SORCS2: variants seen among roughly 807,000 people sequenced by gnomAD.
SORCS2 encodes sortilin related VPS10 domain containing receptor 2, also known as VPS10 domain-containing receptor SorCS2.
SORCS2 carries 100 observed loss-of-function variants against 141.6 expected under a neutral mutation model. The observed-to-expected ratio is 0.71, with a 90% confidence interval of 0.60 to 0.83. The LOEUF (loss-of-function observed/expected upper bound fraction) is 0.83, where lower values mean the gene tolerates loss of function less well. Ranked by LOEUF, SORCS2 falls within the 40% of genes least tolerant of loss-of-function variation. The pLI is 0.00. For missense variants in SORCS2, 1,646 were observed against 1,560.2 expected, an observed-to-expected ratio of 1.05 and a Z score of -0.93; for synonymous variants, 789 against 676.9, an observed-to-expected ratio of 1.17 and a Z score of -2.57.
intron 15 of SORCS2, among the ~76,000 whole-genome samples, chr4:7,713,660 G>A (rs1336415155): frequency 1.3e-5 from 2 of 152,164 alleles, no homozygotes; most frequent in Admixed American, 6.5e-5. Flanking sequence ...ATCGGATAGG[G>A]AGGGCGATCG....
At chr4:7,560,208 G>A (rs1714436603) in intron 3 of SORCS2, among the ~76,000 whole-genome samples, 2 of 152,312 alleles carry the variant, frequency 1.3e-5, no homozygotes, top group Admixed American at 6.5e-5. Context: ...ATCCGAGGTG[G>A]CTGGGGCCAG....
At chr4:7,660,196 C>G (rs947058125) in intron 5 of SORCS2, among the ~76,000 whole-genome samples, 5 of 152,214 alleles carry the variant, frequency 3.3e-5, no homozygotes, top group Admixed American at 2.0e-4. Context: ...GAAGCTTCCT[C>G]CCTCTCCTCC....
At chr4:7,546,887 T>C (rs1376633364) in intron 3 of SORCS2, among the ~76,000 whole-genome samples, 1 of 152,218 alleles carries the variant, frequency 6.6e-6, no homozygotes, top group Non-Finnish European at 1.5e-5. Context: ...CCTTGTGCAG[T>C]AGGGACTCTT....
chr4:7,706,956 C>T (rs1725512420), intron 14 of SORCS2, among the ~76,000 whole-genome samples: 1 of 152,186 alleles, frequency 6.6e-6, no homozygotes, highest in Non-Finnish European at 1.5e-5. Context: ...TGCTTTCCTG[C>T]TCACCACCCG....
chr4:7,425,950 C>T (rs1726405252), intron 2 of SORCS2, among the ~76,000 whole-genome samples: 1 of 152,214 alleles, frequency 6.6e-6, no homozygotes, highest in African/African-American at 2.4e-5. Flanking sequence ...AGAAGGGAAA[C>T]TGAGGCACAA....
intron 3 of SORCS2, among the ~76,000 whole-genome samples, chr4:7,563,241 C>G (rs1714732094): frequency 6.6e-6 from 1 of 152,144 alleles, no homozygotes; most frequent in African/African-American, 2.4e-5. Context: ...TTGAGGGACT[C>G]TTCAAACAAT....
chr4:7,370,836 T>C (rs529333136), intron 1 of SORCS2, among the ~76,000 whole-genome samples: 22 of 152,304 alleles, frequency 1.4e-4, no homozygotes, highest in Non-Finnish European at 2.8e-4. Context: ...CTTCCATGCT[T>C]ACCGGCTTTT....
intron 1 of SORCS2, among the ~76,000 whole-genome samples, chr4:7,332,598 G>T (rs919928808): frequency 6.6e-6 from 1 of 152,192 alleles, no homozygotes; most frequent in African/African-American, 2.4e-5. Flanking sequence ...GCATCTAGAA[G>T]CATATGAGGG....
chr4:7,358,862 A>T (rs1721417868), intron 1 of SORCS2, among the ~76,000 whole-genome samples: 1 of 152,202 alleles, frequency 6.6e-6, no homozygotes, highest in Non-Finnish European at 1.5e-5. Context: ...TTTTAGAGAC[A>T]GGGTTTCACT....
intron 2 of SORCS2, among the ~76,000 whole-genome samples, chr4:7,460,747 C>G (rs1400153214): frequency 6.6e-6 from 1 of 152,204 alleles, no homozygotes; most frequent in Non-Finnish European, 1.5e-5. Flanking sequence ...AACACGCTCC[C>G]TAATCCTGGG....
intron 1 of SORCS2, among the ~76,000 whole-genome samples, chr4:7,246,950 C>A (rs1037596308): frequency 3.9e-5 from 6 of 152,258 alleles, no homozygotes; most frequent in Non-Finnish European, 5.9e-5. Flanking sequence ...CCTCCTCCTC[C>A]AGGGTCCCCT....
At chr4:7,545,522 G>A (rs1469102831) in intron 3 of SORCS2, among the ~76,000 whole-genome samples, 2 of 152,194 alleles carry the variant, frequency 1.3e-5, no homozygotes, top group Non-Finnish European at 2.9e-5. Flanking sequence ...GCATCCCCCA[G>A]GACAGTGACT....
At chr4:7,476,228 G>A (rs1027574962) in intron 2 of SORCS2, among the ~76,000 whole-genome samples, 7 of 152,214 alleles carry the variant, frequency 4.6e-5, no homozygotes, top group Non-Finnish European at 8.8e-5. Context: ...GAGGGAAGTC[G>A]ATAGACAGAT....
chr4:7,687,992 A>C (rs1199792368), intron 10 of SORCS2, among the ~76,000 whole-genome samples: 3 of 152,230 alleles, frequency 2.0e-5, no homozygotes, highest in African/African-American at 4.8e-5. Flanking sequence ...CAACCAGTAC[A>C]TCTGTTAAAC....
At position 7,305,310 on chromosome 4, in the gene SORCS2, C is replaced by T. The variant is rs922256300; in HGVS notation, c.481-90978C>T. On this transcript the variant is annotated intron_variant, in intron 1 of 26. Transcript: ENST00000507866. ...CCTCCCAAAGTGCTGGGATCACAGG[C>T]GTGAGCCACCACGCACGGCCCATTC... Among the ~76,000 whole-genome samples, 4 of 151,532 alleles carry T rather than the reference C, an allele frequency of 2.6e-5. No homozygotes were observed. The South Asian group carries it at 6.2e-4, about 24-fold the overall frequency.
At chr4:7,267,586 T>G (rs1470152367) in intron 1 of SORCS2, among the ~76,000 whole-genome samples, 1 of 152,112 alleles carries the variant, frequency 6.6e-6, no homozygotes. Context: ...GTCCCAGCAC[T>G]TTGGGAGGCT....
intron 1 of SORCS2, among the ~76,000 whole-genome samples, chr4:7,358,282 C>T (rs1721383072): frequency 1.3e-5 from 2 of 152,234 alleles, no homozygotes; most frequent in African/African-American, 4.8e-5. Context: ...CAGGCACTTG[C>T]TTACATGATC....
chr4:7,416,461 G>T (rs1444430850), intron 2 of SORCS2, among the ~76,000 whole-genome samples: 1 of 152,172 alleles, frequency 6.6e-6, no homozygotes, highest in African/African-American at 2.4e-5. Flanking sequence ...GATGCCCTGT[G>T]TACGGTGCAT....
chr4:7,440,374 A>T (rs1298593073), intron 2 of SORCS2, among the ~76,000 whole-genome samples: 1 of 152,234 alleles, frequency 6.6e-6, no homozygotes. Flanking sequence ...GGAGGGTTTG[A>T]TGCTGACCAA....
Sources: allele counts gnomAD v4.1 joint callset (sites outside exome capture counted in the v4.1 genomes callset), GRCh38; gene constraint gnomAD v4.1.1; transcripts MANE v1.5; gene names NCBI Gene and HGNC (gene_info 2026-07-23, HGNC 2026-07-21).